The following SEMA3E variants were observed in gnomAD, a reference collection of about 807,000 sequenced individuals.
SEMA3E encodes the protein semaphorin 3E.
In SEMA3E, 49 loss-of-function variants were observed where a neutral mutation model predicts 93.6. The ratio of observed to expected loss-of-function variants is 0.52; its 90% CI spans 0.42 to 0.66. The LOEUF (loss-of-function observed/expected upper bound fraction) is 0.66, where lower values mean the gene tolerates loss of function less well. SEMA3E is among the 30% of genes least tolerant of loss of function. SEMA3E has a pLI of 0.00. For synonymous variants in SEMA3E, 363 were observed against 330.7 expected, an observed-to-expected ratio of 1.10 and a Z score of -1.06; for missense variants, 906 against 964.8, an observed-to-expected ratio of 0.94 and a Z score of 0.81.
chr7:83,491,099 C>CT (rs879729592), intron 1 of SEMA3E, among the ~76,000 whole-genome samples: 84 of 151,934 alleles, frequency 5.5e-4, no homozygotes, highest in Non-Finnish European at 9.0e-4. Context: ...TAGAAGATAA[C>CT]TTTTTTTACA....
chr7:83,429,052 G>A (rs932008239), intron 4 of SEMA3E, among the ~76,000 whole-genome samples: 3 of 151,906 alleles, frequency 2.0e-5, no homozygotes, highest in Non-Finnish European at 2.9e-5. Context: ...TCATTTATAA[G>A]GTACTTAATG....
intron 10 of SEMA3E, among the ~76,000 whole-genome samples, chr7:83,401,043 G>A (rs1788225114): frequency 6.6e-6 from 1 of 151,964 alleles, no homozygotes; most frequent in South Asian, 2.1e-4. Context: ...ATTATCAATG[G>A]CAAAAAGACA....
intron 1 of SEMA3E, among the ~76,000 whole-genome samples, chr7:83,538,643 A>AT (rs1791457350): frequency 6.6e-6 from 1 of 152,176 alleles, no homozygotes; most frequent in Admixed American, 6.5e-5. Context: ...TGTATCAATA[A>AT]TTTTGATAGC....
intron 1 of SEMA3E, among the ~76,000 whole-genome samples, chr7:83,605,485 C>A (rs1257458788): frequency 6.6e-6 from 1 of 150,978 alleles, no homozygotes; most frequent in African/African-American, 2.4e-5. Flanking sequence ...GGCTGGAGCA[C>A]AGTGGTGCGA....
At chr7:83,407,401 A>G (rs947645172) in intron 6 of SEMA3E, among the ~76,000 whole-genome samples, 162 bp from the exon 7 acceptor site, 10 of 152,326 alleles carry the variant, frequency 6.6e-5, no homozygotes, top group Non-Finnish European at 1.0e-4. Context: ...ATTAAAAACT[A>G]TGTTGATATC....
At chr7:83,385,224 T>TA in intron 16 of SEMA3E, 70 bp downstream of exon 16, 2 of 1,549,264 alleles carry the variant, frequency 1.3e-6, no homozygotes, top group Non-Finnish European at 8.8e-7. Flanking sequence ...AGCATCCAAA[T>TA]AAATCATCTA....
At chr7:83,406,087 G>A (rs1399647977) in intron 7 of SEMA3E, 28 bp from the exon 8 acceptor site, 1 of 1,459,326 alleles carries the variant, frequency 6.9e-7, no homozygotes, top group Non-Finnish European at 9.6e-7. Context: ...GAGGTAAATA[G>A]TTACCTAAAG....
At chr7:83,627,304 G>A (rs1440465943) in intron 1 of SEMA3E, among the ~76,000 whole-genome samples, 1 of 152,130 alleles carries the variant, frequency 6.6e-6, no homozygotes, top group Non-Finnish European at 1.5e-5. Context: ...ACAGTGGGGT[G>A]TTAAAGTCTC....
intron 4 of SEMA3E, among the ~76,000 whole-genome samples, chr7:83,426,701 C>T (rs1301463957): frequency 6.6e-6 from 1 of 152,076 alleles, no homozygotes; most frequent in African/African-American, 2.4e-5. Context: ...CATACAAAAA[C>T]GTTGTTGCAG....
chr7:83,537,380 G>A (rs1039499273), intron 1 of SEMA3E, among the ~76,000 whole-genome samples: 1 of 152,126 alleles, frequency 6.6e-6, no homozygotes, highest in Non-Finnish European at 1.5e-5. Context: ...CTAGAGCAGT[G>A]GTCTTAACTT....
chr7:83,540,419 A>T (rs1335999535), intron 1 of SEMA3E, among the ~76,000 whole-genome samples: 1 of 152,202 alleles, frequency 6.6e-6, no homozygotes. Flanking sequence ...AAGCTAAGAC[A>T]TTGCTCTAAG....
At chr7:83,534,058 T>C (rs1791360536) in intron 1 of SEMA3E, among the ~76,000 whole-genome samples, 1 of 152,244 alleles carries the variant, frequency 6.6e-6, no homozygotes, top group African/African-American at 2.4e-5. Flanking sequence ...GCCAATTCTA[T>C]TTAATTTGGA....
At chr7:83,615,956 T>A (rs1793359209) in intron 1 of SEMA3E, among the ~76,000 whole-genome samples, 1 of 151,338 alleles carries the variant, frequency 6.6e-6, no homozygotes, top group Non-Finnish European at 1.5e-5. Context: ...ACAATCCTGC[T>A]TAAAGTAAGA....
chr7:83,431,412 T>TA (rs1459541118), intron 4 of SEMA3E, among the ~76,000 whole-genome samples: 2 of 152,028 alleles, frequency 1.3e-5, no homozygotes, highest in Middle Eastern at 3.4e-3. Flanking sequence ...ACGGGTAAGT[T>TA]AAAAAAATAA....
intron 4 of SEMA3E, among the ~76,000 whole-genome samples, chr7:83,459,517 C>A (rs1269982583): frequency 6.6e-6 from 1 of 152,150 alleles, no homozygotes; most frequent in Non-Finnish European, 1.5e-5. Flanking sequence ...TCTGACCTTA[C>A]AGTGGCCTGA....
intron 1 of SEMA3E, among the ~76,000 whole-genome samples, chr7:83,628,342 T>C (rs1793716386): frequency 6.6e-6 from 1 of 152,100 alleles, no homozygotes; most frequent in South Asian, 2.1e-4. Context: ...CCTGTCTTAC[T>C]AGGTTGGGGA....
intron 1 of SEMA3E, among the ~76,000 whole-genome samples, chr7:83,496,618 T>C (rs1426671036): frequency 6.6e-6 from 1 of 152,038 alleles, no homozygotes; most frequent in East Asian, 1.9e-4. Flanking sequence ...CAAAATGTAT[T>C]GAATATTTTT....
At chr7:83,402,846 C>T (rs1788257745) in intron 9 of SEMA3E, 70 bp from the exon 10 acceptor site, 1 of 1,454,648 alleles carries the variant, frequency 6.9e-7, no homozygotes, top group Non-Finnish European at 9.5e-7. Context: ...ATACCCCAGC[C>T]TACAAAGATA....
intron 1 of SEMA3E, among the ~76,000 whole-genome samples, chr7:83,518,329 T>A (rs1473454244): frequency 6.7e-6 from 1 of 150,110 alleles, no homozygotes; most frequent in Non-Finnish European, 1.5e-5. Context: ...AAAAAAAAGA[T>A]AGCAGATGAG....
Sources: allele counts gnomAD v4.1 joint callset (sites outside exome capture counted in the v4.1 genomes callset), GRCh38; gene constraint gnomAD v4.1.1; transcripts MANE v1.5; gene names NCBI Gene and HGNC (gene_info 2026-07-23, HGNC 2026-07-21).